Variants in PSD2 observed in about 807,000 individuals in gnomAD.
The protein encoded by PSD2 is PH and SEC7 domain-containing protein 2.
A neutral mutation model predicts 69.8 loss-of-function variants in PSD2; 38 were observed. The observed-to-expected ratio is 0.54, with a 90% CI of 0.42 to 0.71. The LOEUF is 0.71. Ranked by LOEUF, PSD2 falls within the 30% of genes least tolerant of loss-of-function variation. PSD2 has a pLI of 0.00. For missense variants in PSD2, 943 were observed against 1,014.5 expected, an observed-to-expected ratio of 0.93 and a Z score of 0.96; for synonymous variants, 412 against 423.0, an observed-to-expected ratio of 0.97 and a Z score of 0.32.
At chr5:139,804,540 G>T (rs988291404) in intron 1 of PSD2, among the ~76,000 whole-genome samples, 10 of 152,146 alleles carry the variant, frequency 6.6e-5, no homozygotes, top group East Asian at 1.9e-4. Context: ...AATGGTGCAC[G>T]TGGGGACATG....
the PSD2 span, among the ~76,000 whole-genome samples, chr5:139,767,398 TCCACCTCCCGGA>T: frequency 2.6e-5 from 4 of 152,112 alleles, no homozygotes; most frequent in Non-Finnish European, 5.9e-5. Context: ...CACTGCAACC[TCCACCTCCCGGA>T]TTCAAGGGAT....
At chr5:139,805,183 C>T (rs1247256750) in intron 1 of PSD2, among the ~76,000 whole-genome samples, 1 of 152,182 alleles carries the variant, frequency 6.6e-6, no homozygotes, top group African/African-American at 2.4e-5. Flanking sequence ...AGCATGCTGG[C>T]CTCTGGAGCC....
Position 139,821,885 on chromosome 5 carries a change from C to A in PSD2, c.1098-8C>A, listed in dbSNP as rs1424247241. ...GACTGCCCTCAGCAGCTTTGAATTG[C>A]CTTCCAGAACATTCTTGAAGGCCTT... On this transcript the variant is annotated splice_polypyrimidine_tract_variant and splice_region_variant and intron_variant, in intron 5 of 14. Transcript: ENST00000274710. The A allele has an allele frequency of 6.3e-7, 1 of 1,584,212 alleles. No individual in the cohort carries two copies.
chr5:139,770,049 G>C, the PSD2 span, among the ~76,000 whole-genome samples: 1 of 152,214 alleles, frequency 6.6e-6, no homozygotes, highest in Admixed American at 6.5e-5. Context: ...GGCCGGCTGG[G>C]GCTCCTGTGT....
Position 139,813,309 on chromosome 5 carries a change from G to T in PSD2, c.372G>T (p.Gly124=). ...LYPDAEDPQL[G]LDGPGEPDVR... is the part of the protein sequence containing the mutation. Reference sequence around the variant, plus strand: ...GTGACTGGCTCCTTGCATCCCACAGGTTGGATGGTCCCGGGGAGCCAGATG... The same window carrying T: ...GTGACTGGCTCCTTGCATCCCACAGTTTGGATGGTCCCGGGGAGCCAGATG... Residue 124 remains glycine (G), a splice_region_variant and synonymous_variant, in exon 3 of 15, where the codon GGG becomes GGT. Coordinates refer to ENST00000274710, the MANE Select transcript of PSD2 (RefSeq NM_032289.4). 1 of 1,537,804 alleles carries T rather than the reference G, an allele frequency of 6.5e-7. No individual in the cohort carries two copies.
At chr5:139,791,266 C>CA (rs1293839923), upstream of PSD2, among the ~76,000 whole-genome samples, 4 of 151,946 alleles carry the variant, frequency 2.6e-5, no homozygotes, top group African/African-American at 7.3e-5. Flanking sequence ...TCCATCTCTA[C>CA]AAAAAATATA....
chr5:139,796,855 G>A (rs1222863318), intron 1 of PSD2, among the ~76,000 whole-genome samples: 1 of 152,170 alleles, frequency 6.6e-6, no homozygotes, highest in Non-Finnish European at 1.5e-5. Flanking sequence ...AATGGAAGAG[G>A]GCCTAAGACT....
rs1760077872 is a variant in PSD2, at chr5:139,814,835, T to G, written c.1016+471T>G. Among the ~76,000 whole-genome samples the G allele has an allele frequency of 6.6e-6, 1 of 152,112 alleles. No individual in the cohort carries two copies. The highest frequency in any genetic ancestry group is 2.4e-5 in the African/African-American group (1 of 41,430). On this transcript the variant is annotated intron_variant, in intron 4 of 14. Coordinates refer to ENST00000274710, the MANE Select transcript of PSD2 (RefSeq NM_032289.4). This position sits in a 1 kb window ranked among gnomAD's most constrained non-coding sequence, Gnocchi z 4.4. ...GCTGAAGCCCCCAAAGCACACACCC[T>G]GGCCTTCAGACCAGGTGCAAAGGGA...
At chr5:139,830,264 G>C (rs1760539096) in intron 7 of PSD2, among the ~76,000 whole-genome samples, 2 of 150,414 alleles carry the variant, frequency 1.3e-5, no homozygotes, top group South Asian at 4.2e-4. Context: ...ATATATCCTT[G>C]ATACTAGACC....
At chr5:139,788,559 C>T in the PSD2 span, among the ~76,000 whole-genome samples, 2 of 152,214 alleles carry the variant, frequency 1.3e-5, no homozygotes, top group African/African-American at 4.8e-5. Context: ...CCCCCATCAA[C>T]CCAGGCCTGG....
intron 7 of PSD2, among the ~76,000 whole-genome samples, chr5:139,826,864 T>A (rs1440754650): frequency 1.3e-5 from 2 of 152,154 alleles, no homozygotes; most frequent in Non-Finnish European, 2.9e-5. Flanking sequence ...ATGCAGCAAT[T>A]CCAGGCCTCA....
the PSD2 span, among the ~76,000 whole-genome samples, chr5:139,768,875 A>T: frequency 6.6e-6 from 1 of 152,160 alleles, no homozygotes; most frequent in African/African-American, 2.4e-5. Context: ...TCTGATCTGT[A>T]AGACAAGACA....
chr5:139,749,422 T>C, the PSD2 span, among the ~76,000 whole-genome samples: 35 of 152,188 alleles, frequency 2.3e-4, no homozygotes, highest in African/African-American at 8.0e-4. Context: ...AAAGCAGTAA[T>C]AGTAGCAACA....
At chr5:139,831,881 TG>T (rs1352656902) in intron 7 of PSD2, among the ~76,000 whole-genome samples, 3 of 152,230 alleles carry the variant, frequency 2.0e-5, no homozygotes, top group Non-Finnish European at 4.4e-5. Flanking sequence ...GAAGTGTGAC[TG>T]GGGTGTTTCC....
At chr5:139,838,607 C>T (rs963706309) in intron 12 of PSD2, 21 bp from the exon 13 acceptor site, 2 of 1,605,228 alleles carry the variant, frequency 1.2e-6, no homozygotes, top group East Asian at 2.2e-5. Flanking sequence ...GGCCGGCACC[C>T]TCTCCCCCTC....
chr5:139,829,569 C>T (rs1049290399), intron 7 of PSD2, among the ~76,000 whole-genome samples: 3 of 152,208 alleles, frequency 2.0e-5, no homozygotes, highest in African/African-American at 7.2e-5. Flanking sequence ...GTAGATATTT[C>T]ATGTGAGTGG....
chr5:139,805,301 T>C (rs1759777876), intron 1 of PSD2, among the ~76,000 whole-genome samples: 1 of 152,236 alleles, frequency 6.6e-6, no homozygotes, highest in Non-Finnish European at 1.5e-5. Flanking sequence ...CAATCTAGCA[T>C]TCCATCAGAA....
intron 1 of PSD2, among the ~76,000 whole-genome samples, chr5:139,808,944 T>C (rs1012138966): frequency 1.3e-5 from 2 of 152,204 alleles, no homozygotes; most frequent in African/African-American, 2.4e-5. Context: ...GTTTCGCTCA[T>C]CTTTGGCTCC....
intron 5 of PSD2, among the ~76,000 whole-genome samples, chr5:139,821,261 C>A (rs1011846265): frequency 6.6e-6 from 1 of 152,134 alleles, no homozygotes; most frequent in Non-Finnish European, 1.5e-5. Flanking sequence ...AGTGGTAAGT[C>A]CTGCCTATGT....
Sources: allele counts gnomAD v4.1 joint callset (sites outside exome capture counted in the v4.1 genomes callset), GRCh38; gene constraint gnomAD v4.1.1; non-coding constraint Gnocchi (gnomAD v3.1); transcripts MANE v1.5; gene names NCBI Gene and HGNC (gene_info 2026-07-23, HGNC 2026-07-21).